FAM83F: variants seen among roughly 807,000 people sequenced by gnomAD.
FAM83F encodes the protein protein FAM83F.
A neutral mutation model predicts 42.9 loss-of-function variants in FAM83F; 45 were observed. The ratio of observed to expected loss-of-function variants is 1.05; its 90% CI spans 0.83 to 1.35. The LOEUF is 1.35. Among genes scored for constraint, FAM83F ranks in the 40% most tolerant of loss-of-function variants. The pLI, the probability that FAM83F is intolerant of heterozygous loss-of-function variation, is 0.00. For synonymous variants in FAM83F, 306 were observed against 298.3 expected, an observed-to-expected ratio of 1.03 and a Z score of -0.27; for missense variants, 617 against 695.9, an observed-to-expected ratio of 0.89 and a Z score of 1.28.
In FAM83F at chr22:40,042,765, T is replaced by C. The variant is rs1033968446; in HGVS notation, c.*13200T>C. ...GGACACAAAGATGAAAAAGAAACCATCTGCTTCAAGGTACTTACAACTGAA... is the reference window on the plus strand; with the variant it reads ...GGACACAAAGATGAAAAAGAAACCACCTGCTTCAAGGTACTTACAACTGAA... On this transcript the variant is annotated 3_prime_UTR_variant, in exon 5 of 5. Coordinates refer to ENST00000333407, the MANE Select transcript of FAM83F (RefSeq NM_138435.4). 2 of 152,202 alleles carry C rather than the reference T, an allele frequency of 1.3e-5. No individual in the cohort carries two copies. The highest frequency in any genetic ancestry group is 1.9e-4 in the East Asian group (1 of 5,200). The allele number at this position is 152,202 out of a possible 1,614,324, so 9.4% of individuals were successfully genotyped here.
At chr22:40,020,914 ATG>A (rs564836183) in intron 3 of FAM83F, among the ~76,000 whole-genome samples, 133 of 152,272 alleles carry the variant, frequency 8.7e-4, no homozygotes, top group Non-Finnish European at 1.5e-3. Context: ...TATTTTTTAA[ATG>A]TGTGTTTGTG....
At chr22:40,002,680 C>A (rs1338763585) in intron 1 of FAM83F, among the ~76,000 whole-genome samples, 1 of 152,132 alleles carries the variant, frequency 6.6e-6, no homozygotes. Context: ...CTTTGCTGGG[C>A]CTCTGTTTCT....
chr22:40,014,608 C>T (rs533328705), intron 1 of FAM83F, among the ~76,000 whole-genome samples: 15 of 152,246 alleles, frequency 9.9e-5, no homozygotes, highest in African/African-American at 2.9e-4. Context: ...ACCATGTTTA[C>T]AATTCCTTAA....
At chr22:40,008,974 G>A (rs1270561053) in intron 1 of FAM83F, among the ~76,000 whole-genome samples, 1 of 152,212 alleles carries the variant, frequency 6.6e-6, no homozygotes, top group African/African-American at 2.4e-5. Context: ...GGAGACAGCA[G>A]TTTGACCTGT....
intron 1 of FAM83F, among the ~76,000 whole-genome samples, chr22:40,016,700 G>T (rs1242720025): frequency 6.6e-6 from 1 of 151,414 alleles, no homozygotes; most frequent in South Asian, 2.1e-4. Flanking sequence ...GTCTCTCATT[G>T]TCCCCCAGGC....
intron 4 of FAM83F, among the ~76,000 whole-genome samples, chr22:40,025,465 C>A (rs1455587831): frequency 6.6e-6 from 1 of 152,126 alleles, no homozygotes; most frequent in Admixed American, 6.5e-5. Context: ...GCAACAAATA[C>A]GCTTGGAGAG....
rs1028244955 is a variant in FAM83F at position 40,022,239 on chromosome 22, C to G, written c.1453+276C>G. On this transcript the variant is annotated intron_variant, in intron 4 of 4. Transcript: ENST00000333407. ...GATTCCAGGCTTGGCATGGAGGGGT[C>G]TCAGAGCTTCTAATGCTACTGCTAG... 2.6e-5 allele frequency among the ~76,000 whole-genome samples: 4 copies of G among 152,352 alleles called. No individual in the cohort carries two copies. In the South Asian group the frequency reaches 8.3e-4, roughly 32 times the overall value.
chr22:39,998,256 C>T (rs775520409), intron 1 of FAM83F, among the ~76,000 whole-genome samples: 11 of 152,140 alleles, frequency 7.2e-5, no homozygotes, highest in African/African-American at 2.4e-5. Flanking sequence ...TGCAGGGACA[C>T]GGGGGAACTG....
At chr22:40,024,003 C>T (rs773343445) in intron 4 of FAM83F, among the ~76,000 whole-genome samples, 15 of 152,150 alleles carry the variant, frequency 9.9e-5, no homozygotes, top group Non-Finnish European at 1.6e-4. Flanking sequence ...CAGCTCCTCT[C>T]CTGTCTTTTG....
intron 3 of FAM83F, among the ~76,000 whole-genome samples, chr22:40,020,787 G>C (rs1019840009): frequency 6.6e-6 from 1 of 152,136 alleles, no homozygotes. Context: ...GAATAGCAGG[G>C]TAAGTCCTGT....
chr22:40,021,145 G>A lies in FAM83F; in HGVS notation c.780-145G>A. The A allele has an allele frequency of 1.1e-6, 1 of 893,204 alleles. No homozygotes were observed. 55.3% of individuals were successfully genotyped at this position (893,204 alleles called of 1,614,324 possible). A position where few individuals can be genotyped will look rare whatever the true frequency, so the allele number is the denominator to read the frequency against. On this transcript the variant is annotated intron_variant, in intron 3 of 4. Coordinates refer to ENST00000333407, the MANE Select transcript of FAM83F (RefSeq NM_138435.4). This position sits in a 1 kb window ranked among gnomAD's most constrained non-coding sequence, Gnocchi z 8.7. ...GAAAGGGAGGCTACGGGTGGGTGGAGGGAATCAGTCCAGCGTGTGGCCCAC... is the reference window on the plus strand; with the variant it reads ...GAAAGGGAGGCTACGGGTGGGTGGAAGGAATCAGTCCAGCGTGTGGCCCAC...
intron 1 of FAM83F, among the ~76,000 whole-genome samples, chr22:40,014,984 G>A (rs2067485991): frequency 6.6e-6 from 1 of 152,338 alleles, no homozygotes; most frequent in East Asian, 1.9e-4. Context: ...AAACAGCCTA[G>A]AGTGCACTGA....
chr22:40,011,653 C>G (rs2067464982), intron 1 of FAM83F, among the ~76,000 whole-genome samples: 1 of 152,146 alleles, frequency 6.6e-6, no homozygotes, highest in Non-Finnish European at 1.5e-5. Flanking sequence ...TTTGAACTAT[C>G]CATTTTAAAT....
Position 40,034,170 on chromosome 22 carries a change from C to T in FAM83F, c.*4605C>T, listed in dbSNP as rs2067606803. On this transcript the variant is annotated 3_prime_UTR_variant, in exon 5 of 5. Coordinates refer to ENST00000333407, the MANE Select transcript of FAM83F (RefSeq NM_138435.4). ...CATTCTCAGTGAACATTGACAAAGC[C>T]CCCTTAGCAGCTAATTAGCCCTGCC... 2 of 152,262 alleles carry T rather than the reference C, an allele frequency of 1.3e-5. No individual in the cohort carries two copies. The highest frequency in any genetic ancestry group is 4.8e-5 in the African/African-American group (2 of 41,468). 9.4% of individuals were successfully genotyped at this position (152,262 alleles called of 1,614,324 possible).
At position 40,023,370 on chromosome 22, in the gene FAM83F, C is replaced by T. The variant is rs1214845285; in HGVS notation, c.1453+1407C>T. 1.4e-5 allele frequency among the ~76,000 whole-genome samples: 1 copy of T among 72,834 alleles called. No individual in the cohort carries two copies. Among genetic ancestry groups the T allele is most frequent in the African/African-American group, 6.8e-5 (1 of 14,800 alleles). The allele number at this position is 72,834 out of a possible 152,430, so 47.8% of individuals were successfully genotyped here. A position where few individuals can be genotyped will look rare whatever the true frequency, so the allele number is the denominator to read the frequency against. On this transcript the variant is annotated intron_variant, in intron 4 of 4. Coordinates refer to ENST00000333407, the MANE Select transcript of FAM83F (RefSeq NM_138435.4). The surrounding 1 kb of genome is among the most constrained non-coding windows in gnomAD (Gnocchi z 4.1). Reference sequence around the variant, plus strand: ...CCAGCTGCTGCTGCTGCTGCTGCTCCTGCTCTGTACCTCTGGTTTGGAGGA... The same window carrying T: ...CCAGCTGCTGCTGCTGCTGCTGCTCTTGCTCTGTACCTCTGGTTTGGAGGA...
rs1342653604 is a variant in FAM83F, at chr22:40,036,903, T to C, written c.*7338T>C. 6.6e-6 allele frequency: 1 copy of C among 152,240 alleles called. No homozygotes were observed. The highest frequency in any genetic ancestry group is 1.5e-5 in the Non-Finnish European group (1 of 68,096). The allele number at this position is 152,240 out of a possible 1,614,324, so 9.4% of individuals were successfully genotyped here. ...AGCAGGGATCTGCAAGCTCCTTCTG[T>C]GGCGGGCCAAAAAGTGAACATTCAG... On this transcript the variant is annotated 3_prime_UTR_variant, in exon 5 of 5. Coordinates refer to ENST00000333407, the MANE Select transcript of FAM83F (RefSeq NM_138435.4).
rs563566100 is a variant in FAM83F, at chr22:40,026,903, G to A, written c.1454-2613G>A. 6.7e-4 allele frequency among the ~76,000 whole-genome samples: 102 copies of A among 152,298 alleles called. 1 individual carries two copies. The highest frequency in any genetic ancestry group is 5.6e-3 in the Admixed American group (86 of 15,300). On this transcript the variant is annotated intron_variant, in intron 4 of 4. Transcript: ENST00000333407. Reference sequence around the variant, plus strand: ...CAGATCTCTCTCTTGCTCTTGCTGCGTCTGGGGCATCTGCTGCTGTTATTA... The same window carrying A: ...CAGATCTCTCTCTTGCTCTTGCTGCATCTGGGGCATCTGCTGCTGTTATTA...
chr22:40,022,832 G>A (rs763261237), intron 4 of FAM83F, among the ~76,000 whole-genome samples: 2 of 152,152 alleles, frequency 1.3e-5, no homozygotes, highest in Non-Finnish European at 2.9e-5. Context: ...CGATGGCAGG[G>A]CCTGAGGTCT....
At position 39,994,956 on chromosome 22, in the gene FAM83F, C is replaced by T; in HGVS notation, c.-87C>T. 1.7e-6 allele frequency: 2 copies of T among 1,158,554 alleles called. No individual in the cohort carries two copies. Among genetic ancestry groups the T allele is most frequent in the East Asian group, 3.6e-5 (1 of 28,088 alleles). The allele number at this position is 1,158,554 out of a possible 1,614,324, so 71.8% of individuals were successfully genotyped here. A position where few individuals can be genotyped will look rare whatever the true frequency, so the allele number is the denominator to read the frequency against. ...CAGAGCTCGCGGCCAGGTGAGGCGC[C>T]CCGCCCCTCGGCGGCTCCAGGTGCG... On this transcript the variant is annotated 5_prime_UTR_variant, in exon 1 of 5. Coordinates refer to ENST00000333407, the MANE Select transcript of FAM83F (RefSeq NM_138435.4).
Sources: gnomAD v4.1 joint callset for allele counts (sites outside exome capture counted in the v4.1 genomes callset) on GRCh38, gnomAD v4.1.1 for gene constraint, Gnocchi (gnomAD v3.1) non-coding constraint, MANE v1.5 for transcripts, NCBI Gene and HGNC (gene_info 2026-07-23, HGNC 2026-07-21) for gene names.